The following RNF168 variants were observed in gnomAD, a reference collection of about 807,000 sequenced individuals.
The protein encoded by RNF168 is E3 ubiquitin-protein ligase RNF168.
A neutral mutation model predicts 34.9 loss-of-function variants in RNF168; 34 were observed. The ratio of observed to expected loss-of-function variants is 0.97; its 90% CI spans 0.74 to 1.30. The LOEUF (loss-of-function observed/expected upper bound fraction) is 1.30, where lower values mean the gene tolerates loss of function less well. Ranked by LOEUF, RNF168 falls within the 50% of genes most tolerant of loss-of-function variation. The probability of loss-of-function intolerance (pLI) is 0.00; values close to 1 mark genes in which losing one functional copy is unlikely to be tolerated. For missense variants in RNF168, 725 were observed against 682.5 expected (o/e 1.06, Z -0.69); for synonymous variants, 264 against 254.7 (o/e 1.04, Z -0.35).
intron 1 of RNF168, among the ~76,000 whole-genome samples, chr3:196,501,548 G>A (rs1732885853): frequency 6.6e-6 from 1 of 152,178 alleles, no homozygotes; most frequent in South Asian, 2.1e-4. Context: ...AATAGAAGGT[G>A]CCGAGGCTGG....
chr3:196,483,556 A>G (rs2047266211), intron 4 of RNF168, among the ~76,000 whole-genome samples: 4 of 152,252 alleles, frequency 2.6e-5, no homozygotes, highest in Admixed American at 2.6e-4. Flanking sequence ...AGGCAGTAAG[A>G]TAAAAGTATG....
intron 1 of RNF168, among the ~76,000 whole-genome samples, chr3:196,500,300 C>T (rs1387704458): frequency 6.6e-6 from 1 of 152,162 alleles, no homozygotes; most frequent in East Asian, 1.9e-4. Flanking sequence ...GTAGCATATA[C>T]ATACACTGGA....
At position 196,503,215 on chromosome 3, in the gene RNF168, C is replaced by G. The variant is rs550213818; in HGVS notation, c.-42G>C. 4 of 1,571,174 alleles carry G rather than the reference C, an allele frequency of 2.5e-6. No individual in the cohort carries two copies. In the East Asian group the frequency reaches 9.0e-5, roughly 35 times the overall value. On this transcript the variant is annotated 5_prime_UTR_variant, in exon 1 of 6. Transcript: ENST00000318037. ...AGCCGACTAAACAACGACACCTGCACGAAAAAGAATCCTATTTTCGGCCAA... is the reference window on the plus strand; with the variant it reads ...AGCCGACTAAACAACGACACCTGCAGGAAAAAGAATCCTATTTTCGGCCAA...
chr3:196,493,878 A>T, intron 1 of RNF168, among the ~76,000 whole-genome samples: 1 of 143,356 alleles, frequency 7.0e-6, no homozygotes, highest in African/African-American at 2.6e-5. Flanking sequence ...TTTGAGACAG[A>T]GTCTCACTTT....
chr3:196,484,908 A>G (rs2108649216), intron 3 of RNF168, among the ~76,000 whole-genome samples: 1 of 152,192 alleles, frequency 6.6e-6, no homozygotes, highest in Non-Finnish European at 1.5e-5. Flanking sequence ...CCCCCACCAC[A>G]GCCTTCCAAA....
chr3:196,487,281 C>T, intron 3 of RNF168, 118 bp downstream of exon 3: 1 of 930,348 alleles, frequency 1.1e-6, no homozygotes, highest in Non-Finnish European at 1.8e-6. Flanking sequence ...GTGGAAAAGA[C>T]AATATTTGTG....
At chr3:196,474,723 C>A in intron 5 of RNF168, 1 of 161,376 alleles carries the variant, frequency 6.2e-6, no homozygotes, top group Non-Finnish European at 1.4e-5. Flanking sequence ...GCTGGGATTA[C>A]AGGCGTGAGC....
At chr3:196,482,106 T>C (rs1411471909) in intron 4 of RNF168, among the ~76,000 whole-genome samples, 2 of 152,014 alleles carry the variant, frequency 1.3e-5, no homozygotes, top group Non-Finnish European at 2.9e-5. Context: ...AACACCTGGC[T>C]GCCCTTTCTT....
At chr3:196,475,552 CTTT>C (rs771089639) in intron 4 of RNF168, among the ~76,000 whole-genome samples, 2 of 133,430 alleles carry the variant, frequency 1.5e-5, no homozygotes. Context: ...AATATTTTTT[CTTT>C]TTTTTTTTTT....
rs573765868 is a variant in RNF168 at position 196,478,423 on chromosome 3, C to A, written c.681-3111G>T. ...ACTGTAACCACTCTGGCTGTCTCTG[C>A]CCCTCATTTCTGCTTTCCATACATC... On this transcript the variant is annotated intron_variant, in intron 4 of 5. Transcript: ENST00000318037. 2.6e-4 allele frequency among the ~76,000 whole-genome samples: 39 copies of A among 152,282 alleles called. 1 individual carries two copies. In the South Asian group the frequency reaches 5.2e-3, roughly 20 times the overall value.
chr3:196,475,421 T>C (rs554135084), intron 4 of RNF168, 109 bp from the exon 5 acceptor site: 18 of 723,890 alleles, frequency 2.5e-5, no homozygotes, highest in Non-Finnish European at 4.3e-5. Flanking sequence ...GCTTGGCTGT[T>C]TTATCAGAGT....
At chr3:196,477,671 T>C (rs545028425) in intron 4 of RNF168, among the ~76,000 whole-genome samples, 5 of 152,332 alleles carry the variant, frequency 3.3e-5, no homozygotes, top group African/African-American at 9.6e-5. Flanking sequence ...TGTTTTGACG[T>C]TCATAAGCAG....
chr3:196,475,991 C>T (rs1357999042), intron 4 of RNF168, among the ~76,000 whole-genome samples: 1 of 151,636 alleles, frequency 6.6e-6, no homozygotes, highest in Non-Finnish European at 1.5e-5. Context: ...TCCTGAGTAG[C>T]TGGGATTACA....
intron 1 of RNF168, among the ~76,000 whole-genome samples, chr3:196,493,458 G>A (rs185666500): frequency 8.0e-4 from 121 of 151,994 alleles, no homozygotes; most frequent in Middle Eastern, 3.4e-3. Flanking sequence ...TGGCTGAAGC[G>A]ATTCTCCTGC....
chr3:196,478,172 T>C (rs1732194881), intron 4 of RNF168, among the ~76,000 whole-genome samples: 1 of 152,188 alleles, frequency 6.6e-6, no homozygotes, highest in African/African-American at 2.4e-5. Context: ...TGAGTCTGAA[T>C]TTTTGGGATC....
intron 4 of RNF168, among the ~76,000 whole-genome samples, chr3:196,478,310 A>G (rs1732197250): frequency 6.6e-6 from 1 of 152,244 alleles, no homozygotes; most frequent in South Asian, 2.1e-4. Flanking sequence ...AGGTGTGAAC[A>G]GCCTGTAAAC....
At chr3:196,474,189 G>A (rs1403883283) in intron 5 of RNF168, among the ~76,000 whole-genome samples, 2 of 146,196 alleles carry the variant, frequency 1.4e-5, no homozygotes, top group African/African-American at 5.1e-5. Flanking sequence ...GTGCAATGGC[G>A]ACATCTCAGC....
chr3:196,486,795 TGCGGTG>T (rs558083799), intron 3 of RNF168, among the ~76,000 whole-genome samples: 266 of 152,318 alleles, frequency 1.7e-3, no homozygotes, highest in African/African-American at 6.0e-3. Context: ...TTAAACAACT[TGCGGTG>T]GCTCACGCCA....
intron 1 of RNF168, among the ~76,000 whole-genome samples, chr3:196,490,560 A>T (rs1732568029): frequency 6.6e-6 from 1 of 152,106 alleles, no homozygotes; most frequent in Non-Finnish European, 1.5e-5. Context: ...CAATCTATAC[A>T]TGTAACAAAA....
Sources: allele counts gnomAD v4.1 joint callset (sites outside exome capture counted in the v4.1 genomes callset), GRCh38; gene constraint gnomAD v4.1.1; transcripts MANE v1.5; gene names NCBI Gene and HGNC (gene_info 2026-07-23, HGNC 2026-07-21).